The following TMTC4 variants were observed in gnomAD, a reference collection of about 807,000 sequenced individuals.
TMTC4 encodes the protein transmembrane O-mannosyltransferase targeting cadherins 4.
In TMTC4, 65 loss-of-function variants were observed where a neutral mutation model predicts 86.0. That is an observed-to-expected ratio of 0.76 (90% CI 0.62 to 0.93). The LOEUF (loss-of-function observed/expected upper bound fraction) is 0.93, where lower values mean the gene tolerates loss of function less well. Ranked by LOEUF, TMTC4 falls within the 40% of genes least tolerant of loss-of-function variation. The pLI is 0.00. For synonymous variants in TMTC4, 379 were observed against 382.5 expected, an observed-to-expected ratio of 0.99 and a Z score of 0.11; for missense variants, 866 against 948.1, an observed-to-expected ratio of 0.91 and a Z score of 1.14.
At chr13:100,632,053 A>T (rs9585475) in intron 12 of TMTC4, among the ~76,000 whole-genome samples, 919 of 42,898 alleles carry the variant, frequency 0.021, 21 homozygotes, top group African/African-American at 0.065. Flanking sequence ...ACACACACAC[A>T]CTCTCTCTCT....
At chr13:100,634,271 A>C (rs1027149499) in intron 12 of TMTC4, among the ~76,000 whole-genome samples, 2 of 152,210 alleles carry the variant, frequency 1.3e-5, no homozygotes, top group African/African-American at 4.8e-5. Flanking sequence ...CTGACCCCCA[A>C]AAAATCACTA....
Position 100,636,585 on chromosome 13 carries a change from G to A in TMTC4, c.1149C>T (p.Cys383=), listed in dbSNP as rs757082718. The A allele has an allele frequency of 3.7e-6, 6 of 1,614,194 alleles. No homozygotes were observed. The East Asian group carries it at 1.3e-4, about 36-fold the overall frequency. Residue 383 remains cysteine (C), a synonymous_variant, in exon 10 of 19, where the codon TGC becomes TGT. Coordinates refer to ENST00000342624, the MANE Select transcript of TMTC4 (RefSeq NM_032813.5). ...RVIALAALWF[C]LIGLICQALC... The stretch of plus-strand genomic sequence containing the variant: ...GGGCTTGGCATATCAGGCCAATTAG[G>A]CAGAACCAGAGTGCTGCAAGTGCAA...
At chr13:100,673,915 C>G (rs1566657660) in intron 1 of TMTC4, 10 of 516,506 alleles carry the variant, frequency 1.9e-5, no homozygotes, top group Non-Finnish European at 2.5e-5. Flanking sequence ...AAGACATTCT[C>G]CCCATGCATT....
At chr13:100,636,146 G>A (rs555772659) in intron 10 of TMTC4, among the ~76,000 whole-genome samples, 5 of 152,246 alleles carry the variant, frequency 3.3e-5, no homozygotes, top group African/African-American at 1.2e-4. Context: ...TACAACAGAG[G>A]GAATCATGGC....
chr13:100,662,182 C>G (rs1885860333), intron 5 of TMTC4, among the ~76,000 whole-genome samples: 1 of 143,266 alleles, frequency 7.0e-6, no homozygotes, highest in African/African-American at 2.5e-5. Flanking sequence ...TGGGGAGCTG[C>G]TGGTGAAGTC....
chr13:100,663,069 A>G lies in TMTC4; in HGVS notation c.447T>C (p.Phe149=). ...VLMVDVFSVL[F]GGLQYTSKGR... ...CTTTACTGGTGTACTGCAGGCCGCC[A>G]AACAGAACCGAGAAGACGTCCACCA... is the stretch of plus-strand genomic sequence containing the variant. The change falls in exon 5 of 19, where the codon TTT becomes TTC. Residue 149 remains phenylalanine, a synonymous_variant. Transcript: ENST00000342624. The G allele has an allele frequency of 6.2e-7, 1 of 1,614,234 alleles. No homozygotes were observed. Among genetic ancestry groups the G allele is most frequent in the Non-Finnish European group, 8.5e-7 (1 of 1,180,042 alleles).
At chr13:100,654,241 G>A (rs1274405170) in intron 6 of TMTC4, among the ~76,000 whole-genome samples, 1 of 152,148 alleles carries the variant, frequency 6.6e-6, no homozygotes, top group African/African-American at 2.4e-5. Context: ...GTTTGCAAAT[G>A]CAAAAATGCC....
chr13:100,669,619 G>A (rs1477059904), intron 2 of TMTC4, among the ~76,000 whole-genome samples: 3 of 152,136 alleles, frequency 2.0e-5, no homozygotes, highest in Non-Finnish European at 4.4e-5. Flanking sequence ...CCATGTGTTA[G>A]TTGTGCGGTC....
At chr13:100,650,253 A>G (rs2138961431) in intron 6 of TMTC4, among the ~76,000 whole-genome samples, 1 of 152,346 alleles carries the variant, frequency 6.6e-6, no homozygotes, top group Non-Finnish European at 1.5e-5. Context: ...TATTGTCTCT[A>G]GCATCTAAGA....
chr13:100,641,817 C>G (rs963944919), intron 7 of TMTC4, among the ~76,000 whole-genome samples: 36 of 152,288 alleles, frequency 2.4e-4, no homozygotes, highest in Admixed American at 1.3e-4. Flanking sequence ...TATCCACCAG[C>G]CTTTCTAGAT....
intron 15 of TMTC4, among the ~76,000 whole-genome samples, chr13:100,622,259 C>T (rs1879621624): frequency 6.6e-6 from 1 of 152,220 alleles, no homozygotes; most frequent in African/African-American, 2.4e-5. Context: ...CCACCCTTGC[C>T]TCTGTGCCCA....
intron 16 of TMTC4, among the ~76,000 whole-genome samples, 157 bp from the exon 17 acceptor site, chr13:100,612,667 A>G (rs1188379103): frequency 0.013 from 1,513 of 112,324 alleles, 23 homozygotes; most frequent in African/African-American, 0.039. Context: ...ACACACACAC[A>G]CACACACACA....
intron 12 of TMTC4, among the ~76,000 whole-genome samples, chr13:100,632,053 A>ACACACACACACACTCT (rs1296569630): frequency 2.2e-3 from 94 of 43,120 alleles, no homozygotes; most frequent in African/African-American, 3.9e-3. Flanking sequence ...ACACACACAC[A>ACACACACACACACTCT]CTCTCTCTCT....
intron 5 of TMTC4, among the ~76,000 whole-genome samples, chr13:100,661,663 A>T (rs1313780075): frequency 6.6e-6 from 1 of 152,212 alleles, no homozygotes; most frequent in Non-Finnish European, 1.5e-5. Flanking sequence ...ATGTTCTCTG[A>T]ATTTGCTGAG....
intron 12 of TMTC4, 29 bp from the exon 13 acceptor site, chr13:100,626,179 G>A (rs1880496541): frequency 1.2e-6 from 2 of 1,607,818 alleles, no homozygotes; most frequent in Non-Finnish European, 1.7e-6. Context: ...TGGGCCATCA[G>A]CAGACAGACT....
chr13:100,666,818 T>C (rs1241168136), intron 3 of TMTC4, among the ~76,000 whole-genome samples: 2 of 152,100 alleles, frequency 1.3e-5, no homozygotes, highest in Non-Finnish European at 2.9e-5. Context: ...TGAGACTCTG[T>C]CTCTACAAAA....
In TMTC4 at chr13:100,656,418, CAAG is replaced by C. The variant is rs765704975; in HGVS notation, c.600_602del (p.Phe200del). On this transcript the variant is annotated inframe_deletion, in exon 6 of 19. Transcript: ENST00000342624. ...CTTTACAGTAGCCAAGGAAAGATAACAAGAAGAACAGGGCACACAGGAGGTCTG... is the reference window on the plus strand; with the variant it reads ...CTTTACAGTAGCCAAGGAAAGATAACAAGAACAGGGCACACAGGAGGTCTG... 7.4e-6 allele frequency: 12 copies of C among 1,612,836 alleles called. No homozygotes were observed. The highest frequency in any genetic ancestry group is 2.2e-5 in the East Asian group (1 of 44,824).
intron 10 of TMTC4, chr13:100,635,782 A>G (rs1882132812): frequency 1.3e-5 from 2 of 152,872 alleles, no homozygotes; most frequent in Admixed American, 6.5e-5. Flanking sequence ...AATGTCCCCT[A>G]TGATGCAAGA....
chr13:100,672,493 C>T (rs1333513384), intron 1 of TMTC4, among the ~76,000 whole-genome samples: 1 of 152,120 alleles, frequency 6.6e-6, no homozygotes, highest in Non-Finnish European at 1.5e-5. Context: ...TCTCTACATC[C>T]CTTCCCCCCT....
Sources: gnomAD v4.1 joint callset for allele counts (sites outside exome capture counted in the v4.1 genomes callset) on GRCh38, gnomAD v4.1.1 for gene constraint, MANE v1.5 for transcripts, NCBI Gene and HGNC (gene_info 2026-07-23, HGNC 2026-07-21) for gene names.